Variants in GRHL2 observed in about 807,000 individuals in gnomAD.
The protein encoded by GRHL2 is grainyhead-like protein 2 homolog.
Under a neutral mutation model 83.8 loss-of-function variants are expected in GRHL2, and 21 were observed. That is an observed-to-expected ratio of 0.25 (90% CI 0.18 to 0.36). The LOEUF is 0.36. Among genes scored for constraint, GRHL2 ranks in the 10% least tolerant of loss-of-function variants. The probability of loss-of-function intolerance (pLI) is 1.00; values close to 1 mark genes in which losing one functional copy is unlikely to be tolerated. For missense variants in GRHL2, 623 were observed against 781.8 expected (o/e 0.80, Z 2.42); for synonymous variants, 280 against 278.9 (o/e 1.00, Z -0.04).
intron 11 of GRHL2, among the ~76,000 whole-genome samples, chr8:101,636,100 C>A (rs927886845): frequency 7.2e-5 from 11 of 152,192 alleles, no homozygotes; most frequent in Non-Finnish European, 1.5e-4. Flanking sequence ...ATAAAGATGA[C>A]AAAAGACCCA....
chr8:101,644,410 C>T (rs1399322667), intron 13 of GRHL2, among the ~76,000 whole-genome samples, 185 bp downstream of exon 13: 1 of 152,186 alleles, frequency 6.6e-6, no homozygotes, highest in African/African-American at 2.4e-5. Context: ...CTTAAGAAAA[C>T]ATTTGTCATT....
chr8:101,594,146 G>A (rs1472397484), intron 7 of GRHL2, among the ~76,000 whole-genome samples: 3 of 149,400 alleles, frequency 2.0e-5, no homozygotes, highest in Non-Finnish European at 4.4e-5. Context: ...AAAAGGGAAG[G>A]CCATGTGAAG....
intron 14 of GRHL2, among the ~76,000 whole-genome samples, chr8:101,650,132 G>T (rs1024738644): frequency 2.0e-5 from 3 of 152,170 alleles, no homozygotes; most frequent in Admixed American, 6.5e-5. Context: ...TATTGTAGAA[G>T]ATTTGTTTTT....
intron 8 of GRHL2, among the ~76,000 whole-genome samples, chr8:101,608,655 C>T (rs1217324089): frequency 6.6e-6 from 1 of 151,924 alleles, no homozygotes; most frequent in Non-Finnish European, 1.5e-5. Flanking sequence ...AAGACTAATA[C>T]ATTTGATACC....
chr8:101,675,525 G>C, the GRHL2 span, among the ~76,000 whole-genome samples: 1 of 151,924 alleles, frequency 6.6e-6, no homozygotes, highest in South Asian at 2.1e-4. Context: ...CCTCTTCAAG[G>C]AGAACTACAA....
intron 1 of GRHL2, among the ~76,000 whole-genome samples, chr8:101,540,308 C>CCATCAGCCATTTACCA: frequency 6.6e-6 from 1 of 152,354 alleles, no homozygotes; most frequent in South Asian, 2.1e-4. Flanking sequence ...TACCCAGCTT[C>CCATCAGCCATTTACCA]TCACCACTGT....
At chr8:101,679,617 T>C in the GRHL2 span, among the ~76,000 whole-genome samples, 15 of 150,806 alleles carry the variant, frequency 9.9e-5, no homozygotes, top group Non-Finnish European at 1.5e-4. Context: ...CCAAGACACA[T>C]AATTGTCAGA....
At chr8:101,657,881 A>C (rs1242286151) in intron 14 of GRHL2, among the ~76,000 whole-genome samples, 2 of 152,054 alleles carry the variant, frequency 1.3e-5, no homozygotes, top group African/African-American at 2.4e-5. Context: ...AAAGAAAAAA[A>C]CCCAAGCACT....
chr8:101,601,086 G>A (rs1423095123), intron 8 of GRHL2, among the ~76,000 whole-genome samples: 4 of 151,948 alleles, frequency 2.6e-5, no homozygotes, highest in African/African-American at 7.3e-5. Flanking sequence ...CTCAAGCCCA[G>A]GAGGCAGAGG....
intron 2 of GRHL2, among the ~76,000 whole-genome samples, chr8:101,549,237 G>C (rs1434017224): frequency 1.3e-5 from 2 of 152,148 alleles, no homozygotes; most frequent in Non-Finnish European, 2.9e-5. Context: ...GATATAGTTG[G>C]CCCAAGTGTG....
Position 101,666,765 on chromosome 8 carries a change from A to AAGCCCC in GRHL2, c.*71_*76dup, listed in dbSNP as rs1325647733. On this transcript the variant is annotated 3_prime_UTR_variant, in exon 16 of 16. Coordinates refer to ENST00000646743, the MANE Select transcript of GRHL2 (RefSeq NM_024915.4). ...GTGCGTTCCTCCCTGAGAGAGACAG[A>AAGCCCC]AGCCCCAGCCCCAGAACCTGGAGAC... 1.0e-6 allele frequency: 1 copy of AAGCCCC among 991,712 alleles called. No homozygotes were observed. The highest frequency in any genetic ancestry group is 1.8e-5 in the Admixed American group (1 of 56,994). 61.4% of individuals were successfully genotyped at this position (991,712 alleles called of 1,614,324 possible). A position where few individuals can be genotyped will look rare whatever the true frequency, so the allele number is the denominator to read the frequency against.
At chr8:101,511,261 A>G (rs990445863) in intron 1 of GRHL2, among the ~76,000 whole-genome samples, 1 of 152,196 alleles carries the variant, frequency 6.6e-6, no homozygotes, top group African/African-American at 2.4e-5. Flanking sequence ...TAAAGGACAA[A>G]TTCATAGAAG....
intron 8 of GRHL2, among the ~76,000 whole-genome samples, chr8:101,602,493 T>C (rs906266349): frequency 1.3e-5 from 2 of 152,236 alleles, no homozygotes; most frequent in African/African-American, 4.8e-5. Flanking sequence ...CTACAGCCTT[T>C]TGATGGTCCA....
intron 1 of GRHL2, among the ~76,000 whole-genome samples, chr8:101,505,656 A>G (rs1466130414): frequency 2.6e-5 from 4 of 151,638 alleles, no homozygotes; most frequent in African/African-American, 9.7e-5. Context: ...GGGAAGGACT[A>G]CAGTCTCCTT....
chr8:101,631,563 C>G, intron 9 of GRHL2, 74 bp from the exon 10 acceptor site: 1 of 1,139,246 alleles, frequency 8.8e-7, no homozygotes, highest in Non-Finnish European at 1.3e-6. Context: ...ATCCTCATGA[C>G]TTATGTGTGA....
At position 101,504,104 on chromosome 8, in the gene GRHL2, C is replaced by T. The variant is rs368879029; in HGVS notation, c.20+11315C>T. ...ATAATACACACTTCTCTAAATAAAA[C>T]GGAAAAGCCTACTTGCTGCTTGCTT... On this transcript the variant is annotated intron_variant, in intron 1 of 15. Coordinates refer to ENST00000646743, the MANE Select transcript of GRHL2 (RefSeq NM_024915.4). Among the ~76,000 whole-genome samples, 39 of 152,204 alleles carry T rather than the reference C, an allele frequency of 2.6e-4. No homozygotes were observed. The East Asian group carries it at 5.6e-3, about 22-fold the overall frequency.
chr8:101,500,950 G>A (rs112453749), intron 1 of GRHL2, among the ~76,000 whole-genome samples: 2,813 of 152,188 alleles, frequency 0.018, 26 homozygotes, highest in Middle Eastern at 0.075. Flanking sequence ...AATTATACTG[G>A]GAAGAGAGAA....
chr8:101,653,857 A>G (rs1179446397), intron 14 of GRHL2, among the ~76,000 whole-genome samples: 1 of 152,182 alleles, frequency 6.6e-6, no homozygotes, highest in Non-Finnish European at 1.5e-5. Flanking sequence ...TCCTGGTTGA[A>G]TTGAAGCCCA....
intron 7 of GRHL2, among the ~76,000 whole-genome samples, chr8:101,597,696 G>A (rs186647058): frequency 1.4e-5 from 2 of 141,148 alleles, no homozygotes; most frequent in East Asian, 4.5e-4. Flanking sequence ...GGAGGGAGGG[G>A]GGAGGGAGAA....
Sources: gnomAD v4.1 joint callset for allele counts (sites outside exome capture counted in the v4.1 genomes callset) on GRCh38, gnomAD v4.1.1 for gene constraint, MANE v1.5 for transcripts, NCBI Gene and HGNC (gene_info 2026-07-23, HGNC 2026-07-21) for gene names.